Variants in MRPL42 observed in about 807,000 individuals in gnomAD.
The protein encoded by MRPL42 is mitochondrial ribosomal protein L42.
MRPL42 carries 17 observed loss-of-function variants against 17.9 expected under a neutral mutation model. That is an observed-to-expected ratio of 0.95 (90% CI 0.65 to 1.42). The LOEUF is 1.42. MRPL42 is among the 40% of genes most tolerant of loss of function. The pLI is 0.00. For missense variants in MRPL42, 177 were observed against 175.2 expected, an observed-to-expected ratio of 1.01 and a Z score of -0.06; for synonymous variants, 59 against 54.4, an observed-to-expected ratio of 1.08 and a Z score of -0.37.
chr12:93,485,252 T>C (rs1880688291), intron 4 of MRPL42, among the ~76,000 whole-genome samples: 1 of 149,988 alleles, frequency 6.7e-6, no homozygotes, highest in Non-Finnish European at 1.5e-5. Context: ...AGCCTCAGCT[T>C]CCCAGGCTTA....
At chr12:93,476,144 AC>A (rs554742734) in intron 2 of MRPL42, among the ~76,000 whole-genome samples, 2 of 151,028 alleles carry the variant, frequency 1.3e-5, no homozygotes, top group East Asian at 1.9e-4. Context: ...CACCACCACC[AC>A]CCCCCCTTTA....
intron 5 of MRPL42, chr12:93,488,218 C>T (rs1953344846): frequency 2.6e-6 from 1 of 388,758 alleles, no homozygotes; most frequent in Non-Finnish European, 4.5e-6. Flanking sequence ...GATCCACCCA[C>T]CTTGGCCTCC....
intron 2 of MRPL42, among the ~76,000 whole-genome samples, chr12:93,475,995 A>G (rs959763176): frequency 7.2e-5 from 11 of 152,106 alleles, no homozygotes; most frequent in African/African-American, 2.7e-4. Context: ...ACAAAACAAA[A>G]CAACAACAAC....
intron 5 of MRPL42, among the ~76,000 whole-genome samples, chr12:93,492,753 A>C (rs1374489034): frequency 6.6e-6 from 1 of 152,276 alleles, no homozygotes; most frequent in East Asian, 1.9e-4. Context: ...AACAAAGTCA[A>C]GTTCTAAAAT....
intron 5 of MRPL42, among the ~76,000 whole-genome samples, chr12:93,500,432 T>G (rs535716390): frequency 6.6e-6 from 1 of 152,328 alleles, no homozygotes; most frequent in African/African-American, 2.4e-5. Context: ...TTAACATGTT[T>G]GTGATCTCAA....
intron 5 of MRPL42, among the ~76,000 whole-genome samples, chr12:93,496,481 G>A (rs1456429033): frequency 1.3e-5 from 2 of 151,538 alleles, no homozygotes; most frequent in Admixed American, 6.6e-5. Context: ...GTGCTAAGAG[G>A]GACAGTAGAT....
intron 3 of MRPL42, 109 bp downstream of exon 3, chr12:93,477,126 C>T: frequency 6.2e-6 from 5 of 802,864 alleles, no homozygotes; most frequent in Middle Eastern, 3.8e-4. Flanking sequence ...ATTATTCTTT[C>T]CTTAATTTTG....
intron 4 of MRPL42, among the ~76,000 whole-genome samples, chr12:93,484,213 C>T (rs1486344236): frequency 6.6e-6 from 1 of 151,872 alleles, no homozygotes; most frequent in East Asian, 1.9e-4. Context: ...ATGCATAAAC[C>T]AGTTGCCTAG....
At chr12:93,481,792 CT>C (rs1218680326) in intron 4 of MRPL42, among the ~76,000 whole-genome samples, 1 of 152,222 alleles carries the variant, frequency 6.6e-6, no homozygotes, top group Non-Finnish European at 1.5e-5. Flanking sequence ...ACCAGTCCCT[CT>C]TGGTCTCCCA....
chr12:93,475,440 G>A (rs910775068), intron 2 of MRPL42, among the ~76,000 whole-genome samples: 5 of 151,862 alleles, frequency 3.3e-5, no homozygotes, highest in South Asian at 4.2e-4. Context: ...AAGGATGAGG[G>A]GTATTTGAAC....
rs58784396 is a variant in MRPL42 at position 93,513,183 on chromosome 12, ATTTTTTTTTT to A, written c.*11977_*11986del. 4 of 89,148 alleles carry A rather than the reference ATTTTTTTTTT, an allele frequency of 4.5e-5. No individual in the cohort carries two copies. The Admixed American group carries it at 5.8e-4, about 13-fold the overall frequency. 5.5% of individuals were successfully genotyped at this position (89,148 alleles called of 1,614,324 possible). A position where few individuals can be genotyped will look rare whatever the true frequency, so the allele number is the denominator to read the frequency against. On this transcript the variant is annotated 3_prime_UTR_variant, in exon 6 of 6. Transcript: ENST00000549982. ...AACCAGCTCATTTGTGACATTTAGA[ATTTTTTTTTT>A]TTTTTTTTTTTTTTGAGAGAGAGGG...
intron 4 of MRPL42, among the ~76,000 whole-genome samples, chr12:93,480,035 A>G (rs895272778): frequency 6.6e-6 from 1 of 151,546 alleles, no homozygotes; most frequent in African/African-American, 2.4e-5. Flanking sequence ...AATATAATTT[A>G]TTTTTAGTTT....
chr12:93,499,341 G>A (rs1953547540), intron 5 of MRPL42, among the ~76,000 whole-genome samples: 1 of 151,522 alleles, frequency 6.6e-6, no homozygotes, highest in African/African-American at 2.4e-5. Flanking sequence ...ATTGAACAGT[G>A]TATGCTGAAT....
intron 5 of MRPL42, among the ~76,000 whole-genome samples, chr12:93,489,533 T>TTTTATTTA (rs1374187600): frequency 2.2e-4 from 34 of 152,100 alleles, no homozygotes; most frequent in Non-Finnish European, 3.8e-4. Context: ...TCTTATTTTA[T>TTTTATTTA]TTTATTTATT....
At position 93,510,952 on chromosome 12, in the gene MRPL42, A is replaced by T. The variant is rs572273259; in HGVS notation, c.*9731A>T. 1 of 152,292 alleles carries T rather than the reference A, an allele frequency of 6.6e-6. No homozygotes were observed. The highest frequency in any genetic ancestry group is 2.1e-4 in the South Asian group (1 of 4,830). The allele number at this position is 152,292 out of a possible 1,614,324, so 9.4% of individuals were successfully genotyped here. On this transcript the variant is annotated 3_prime_UTR_variant, in exon 6 of 6. Coordinates refer to ENST00000549982, the MANE Select transcript of MRPL42 (RefSeq NM_014050.4). ...GTGAAGGTTTGGGGTAATTTGTTTC[A>T]TTTATCTTTAACACCATGTTATGGA...
chr12:93,505,911 CTT>C lies in MRPL42; in HGVS notation c.*4709_*4710del, dbSNP rs750799768. ...TAGAACCTTATGATTACTTCTGAGT[CTT>C]TTTTTTTTTTTTTTTTTTGAGATGG... On this transcript the variant is annotated 3_prime_UTR_variant, in exon 6 of 6. Coordinates refer to ENST00000549982, the MANE Select transcript of MRPL42 (RefSeq NM_014050.4). 47 of 122,588 alleles carry C rather than the reference CTT, an allele frequency of 3.8e-4. No homozygotes were observed. Among genetic ancestry groups the C allele is most frequent in the East Asian group, 9.2e-4 (4 of 4,340 alleles). 7.6% of individuals were successfully genotyped at this position (122,588 alleles called of 1,614,324 possible).
Position 93,495,908 on chromosome 12 carries a change from T to C in MRPL42, c.384-5268T>C, listed in dbSNP as rs1953491656. Among the ~76,000 whole-genome samples the C allele has an allele frequency of 2.6e-5, 4 of 152,074 alleles. No individual in the cohort carries two copies. The South Asian group carries it at 8.3e-4, about 32-fold the overall frequency. ...TCCTCAAAACTTCCATAAAGTATGG[T>C]TTCAAAGAGGAACTGAACACCTTAA... On this transcript the variant is annotated intron_variant, in intron 5 of 5. Coordinates refer to ENST00000549982, the MANE Select transcript of MRPL42 (RefSeq NM_014050.4).
Position 93,513,320 on chromosome 12 carries a change from A to T in MRPL42, c.*12099A>T, listed in dbSNP as rs1953743099. The T allele has an allele frequency of 6.7e-6, 1 of 149,518 alleles. No homozygotes were observed. The allele number at this position is 149,518 out of a possible 1,614,324, so 9.3% of individuals were successfully genotyped here. A position where few individuals can be genotyped will look rare whatever the true frequency, so the allele number is the denominator to read the frequency against. The stretch of plus-strand genomic sequence containing the variant: ...AAGCAATCCTCTCACCTCAGCCTGC[A>T]GCTGGAGCTTCAGGTGTCTGCCATC... On this transcript the variant is annotated 3_prime_UTR_variant, in exon 6 of 6. Transcript: ENST00000549982.
intron 4 of MRPL42, among the ~76,000 whole-genome samples, chr12:93,482,098 G>A (rs1181120549): frequency 6.6e-6 from 1 of 152,124 alleles, no homozygotes; most frequent in African/African-American, 2.4e-5. Context: ...TCACCCCACT[G>A]CCACCATACT....
Sources: allele counts gnomAD v4.1 joint callset (sites outside exome capture counted in the v4.1 genomes callset), GRCh38; gene constraint gnomAD v4.1.1; transcripts MANE v1.5; gene names NCBI Gene and HGNC (gene_info 2026-07-23, HGNC 2026-07-21).